Variants in UNC13C observed in about 807,000 individuals in gnomAD.
The protein encoded by UNC13C is protein unc-13 homolog C.
A neutral mutation model predicts 245.4 loss-of-function variants in UNC13C; 174 were observed. The observed-to-expected ratio is 0.71, with a 90% CI of 0.63 to 0.80. The LOEUF (loss-of-function observed/expected upper bound fraction) is 0.80. UNC13C is among the 30% of genes least tolerant of loss of function. The probability of loss-of-function intolerance (pLI) is 0.00; values close to 1 mark genes in which losing one functional copy is unlikely to be tolerated. For synonymous variants in UNC13C, 992 were observed against 895.1 expected, an observed-to-expected ratio of 1.11 and a Z score of -1.93; for missense variants, 2,829 against 2,602.9, an observed-to-expected ratio of 1.09 and a Z score of -1.89.
At chr15:54,286,578 G>A (rs2037156133) in intron 10 of UNC13C, among the ~76,000 whole-genome samples, 1 of 152,118 alleles carries the variant, frequency 6.6e-6, no homozygotes, top group Admixed American at 6.6e-5. Context: ...ATCTCATGAT[G>A]GGTTAAACTC....
At chr15:53,961,095 C>A in the UNC13C span, among the ~76,000 whole-genome samples, 5 of 152,190 alleles carry the variant, frequency 3.3e-5, no homozygotes, top group East Asian at 7.7e-4. Context: ...CCTAGGTTTT[C>A]CATCCTTATG....
chr15:54,546,021 A>T (rs1460326529), intron 26 of UNC13C, among the ~76,000 whole-genome samples: 1 of 152,184 alleles, frequency 6.6e-6, no homozygotes, highest in Non-Finnish European at 1.5e-5. Flanking sequence ...ACATGCACAC[A>T]TAAGTTTATT....
the UNC13C span, among the ~76,000 whole-genome samples, chr15:53,968,303 A>G: frequency 1.3e-5 from 2 of 150,966 alleles, no homozygotes; most frequent in Non-Finnish European, 3.0e-5. Context: ...CTAGTTCTTA[A>G]ATGAATTTTA....
intron 2 of UNC13C, among the ~76,000 whole-genome samples, chr15:54,108,718 T>G (rs956328180): frequency 6.6e-6 from 1 of 152,208 alleles, no homozygotes; most frequent in Non-Finnish European, 1.5e-5. Context: ...TAATGTGACT[T>G]TCTCTGCTTC....
At chr15:54,179,741 AC>A (rs1429108396) in intron 4 of UNC13C, among the ~76,000 whole-genome samples, 1 of 152,120 alleles carries the variant, frequency 6.6e-6, no homozygotes, top group African/African-American at 2.4e-5. Flanking sequence ...AATCAAAATA[AC>A]CAAAAATGTT....
At chr15:54,483,867 TG>T (rs1171781889) in intron 19 of UNC13C, among the ~76,000 whole-genome samples, 1 of 152,206 alleles carries the variant, frequency 6.6e-6, no homozygotes, top group Non-Finnish European at 1.5e-5. Context: ...GGCATTTCTT[TG>T]TCTCCCTCTC....
At chr15:54,472,789 C>A (rs34741570) in intron 19 of UNC13C, among the ~76,000 whole-genome samples, 62,573 of 151,728 alleles carry the variant, frequency 0.41, 13,188 homozygotes, top group East Asian at 0.62. Flanking sequence ...ACATATATAA[C>A]AATTTGCTTT....
chr15:54,281,597 C>T (rs139203879), intron 10 of UNC13C, among the ~76,000 whole-genome samples: 1 of 152,248 alleles, frequency 6.6e-6, no homozygotes, highest in Non-Finnish European at 1.5e-5. Flanking sequence ...TTAAAACCAC[C>T]AACTCTCAGT....
At chr15:53,945,481 C>G in the UNC13C span, among the ~76,000 whole-genome samples, 2 of 152,130 alleles carry the variant, frequency 1.3e-5, no homozygotes, top group African/African-American at 2.4e-5. Context: ...GTTATCTCAG[C>G]TCTATTTATT....
chr15:54,085,884 A>G (rs1307718284), intron 2 of UNC13C, among the ~76,000 whole-genome samples: 1 of 152,226 alleles, frequency 6.6e-6, no homozygotes, highest in African/African-American at 2.4e-5. Flanking sequence ...TAAAAAAACA[A>G]ACAATTATGA....
intron 24 of UNC13C, among the ~76,000 whole-genome samples, chr15:54,512,038 G>A (rs141786729): frequency 6.6e-6 from 1 of 152,242 alleles, no homozygotes. Context: ...TGAATGGGAG[G>A]CAGAAGATAG....
intron 19 of UNC13C, among the ~76,000 whole-genome samples, chr15:54,462,521 C>T (rs931317992): frequency 3.9e-5 from 6 of 152,184 alleles, no homozygotes; most frequent in East Asian, 1.9e-4. Context: ...TCTGGGTGGG[C>T]GTGGGCCTGG....
intron 11 of UNC13C, among the ~76,000 whole-genome samples, chr15:54,296,391 T>TTTTTTTTTTTTG (rs529076917): frequency 6.5e-5 from 9 of 137,896 alleles, no homozygotes; most frequent in East Asian, 2.1e-4. Context: ...TTATTTTTTT[T>TTTTTTTTTTTTG]TATTTTTTAG....
chr15:54,391,103 C>G (rs1416807023), intron 17 of UNC13C, among the ~76,000 whole-genome samples: 1 of 152,080 alleles, frequency 6.6e-6, no homozygotes, highest in African/African-American at 2.4e-5. Flanking sequence ...GTCTCTCCTC[C>G]TTTCCATGTC....
intron 2 of UNC13C, among the ~76,000 whole-genome samples, chr15:54,081,815 T>C (rs1356575027): frequency 6.6e-6 from 1 of 152,176 alleles, no homozygotes; most frequent in Non-Finnish European, 1.5e-5. Context: ...TATGTGAGGT[T>C]TTGTTCCTCT....
chr15:54,624,899 T>C (rs1361543817), intron 32 of UNC13C, among the ~76,000 whole-genome samples: 2 of 152,066 alleles, frequency 1.3e-5, no homozygotes, highest in Admixed American at 1.3e-4. Context: ...TCATGGGAAC[T>C]GGGGCTAATA....
At chr15:54,045,485 T>A (rs1896996561) in intron 2 of UNC13C, among the ~76,000 whole-genome samples, 1 of 152,158 alleles carries the variant, frequency 6.6e-6, no homozygotes, top group Admixed American at 6.5e-5. Context: ...GCCCATAAAT[T>A]TTTCAGAGCA....
intron 17 of UNC13C, among the ~76,000 whole-genome samples, chr15:54,387,359 A>G (rs1360053001): frequency 6.6e-6 from 1 of 152,178 alleles, no homozygotes. Flanking sequence ...CCTTTAAACC[A>G]TGTAAGATAA....
intron 2 of UNC13C, among the ~76,000 whole-genome samples, chr15:54,096,601 C>G (rs1345477105): frequency 1.3e-5 from 2 of 152,076 alleles, no homozygotes; most frequent in African/African-American, 2.4e-5. Context: ...TAGAAATAAT[C>G]AGATTATAAC....
Sources: allele counts gnomAD v4.1 joint callset (sites outside exome capture counted in the v4.1 genomes callset), GRCh38; gene constraint gnomAD v4.1.1; transcripts MANE v1.5; gene names NCBI Gene and HGNC (gene_info 2026-07-23, HGNC 2026-07-21).